The following SARNP variants were observed in gnomAD, a reference collection of about 807,000 sequenced individuals.
The protein encoded by SARNP is SAP domain containing ribonucleoprotein, also known as SAP domain-containing ribonucleoprotein.
A neutral mutation model predicts 38.1 loss-of-function variants in SARNP; 5 were observed. That is an observed-to-expected ratio of 0.13 (90% CI 0.07 to 0.28). The LOEUF (loss-of-function observed/expected upper bound fraction) is 0.28, where lower values mean the gene tolerates loss of function less well. SARNP is among the 10% of genes least tolerant of loss of function. The pLI, the probability that SARNP is intolerant of heterozygous loss-of-function variation, is 1.00. For synonymous variants in SARNP, 84 were observed against 80.6 expected, an observed-to-expected ratio of 1.04 and a Z score of -0.23; for missense variants, 180 against 243.9, an observed-to-expected ratio of 0.74 and a Z score of 1.75.
At position 55,759,720 on chromosome 12, in the gene SARNP, C is replaced by T. The variant is rs561023189; in HGVS notation, c.591+831G>A. Among the ~76,000 whole-genome samples, 188 of 152,058 alleles carry T rather than the reference C, an allele frequency of 1.2e-3. 2 individuals are homozygous for T. The highest frequency in any genetic ancestry group is 2.4e-3 in the Non-Finnish European group (163 of 67,954). ...CCTCCCAAAGTGCTAGGATTATAGG[C>T]GTAAGCCACCATGCCCGGCCGCCTT... On this transcript the variant is annotated intron_variant, in intron 10 of 10. Coordinates refer to ENST00000336133, the MANE Select transcript of SARNP (RefSeq NM_033082.4).
intron 9 of SARNP, among the ~76,000 whole-genome samples, chr12:55,774,549 C>T (rs1238282253): frequency 3.2e-5 from 4 of 124,162 alleles, no homozygotes; most frequent in Non-Finnish European, 4.7e-5. Flanking sequence ...GGTGAAACCC[C>T]GTCTCTACTG....
chr12:55,781,807 C>A (rs1311576931), intron 9 of SARNP, among the ~76,000 whole-genome samples: 1 of 152,174 alleles, frequency 6.6e-6, no homozygotes, highest in Admixed American at 6.6e-5. Flanking sequence ...CAGCCTTGAC[C>A]TCCTGGACTC....
intron 9 of SARNP, among the ~76,000 whole-genome samples, chr12:55,776,326 T>G (rs1879179788): frequency 6.6e-6 from 1 of 152,022 alleles, no homozygotes; most frequent in Non-Finnish European, 1.5e-5. Context: ...CCCAGCTACT[T>G]GTTGGGGATG....
chr12:55,798,051 TTC>T (rs1879870402), intron 4 of SARNP, among the ~76,000 whole-genome samples: 2 of 152,186 alleles, frequency 1.3e-5, no homozygotes, highest in African/African-American at 4.8e-5. Flanking sequence ...TCACTTGATC[TTC>T]TTTCTTGTTC....
At chr12:55,798,789 G>A (rs1879891860) in intron 4 of SARNP, among the ~76,000 whole-genome samples, 2 of 152,180 alleles carry the variant, frequency 1.3e-5, no homozygotes, top group Admixed American at 6.5e-5. Flanking sequence ...GTGATAGGTA[G>A]ATGAGAGTCT....
chr12:55,760,741 C>T (rs1878649891), intron 9 of SARNP, 101 bp from the exon 10 acceptor site: 1 of 767,116 alleles, frequency 1.3e-6, no homozygotes, highest in Non-Finnish European at 2.3e-6. Context: ...GCTAACCAAC[C>T]CTGTGCCAAG....
chr12:55,784,762 G>C (rs1429187402), intron 9 of SARNP, among the ~76,000 whole-genome samples: 1 of 152,192 alleles, frequency 6.6e-6, no homozygotes, highest in Non-Finnish European at 1.5e-5. Context: ...GACAGTGCTG[G>C]TGTAGACAGC....
At chr12:55,799,559 C>CTTTTTT (rs10529763) in intron 4 of SARNP, among the ~76,000 whole-genome samples, 105,086 of 112,184 alleles carry the variant, frequency 0.94, 49,476 homozygotes, top group Middle Eastern at 0.98. Context: ...GAGTGTCACA[C>CTTTTTT]TTTTTTTTTT....
rs763191592 is a variant in SARNP at position 55,757,461 on chromosome 12, A to G, written c.*51T>C. On this transcript the variant is annotated 3_prime_UTR_variant, in exon 11 of 11. Transcript: ENST00000336133. ...TTTAGGCATATATGTGACCAAGAAG[A>G]AGGAGAGAAATGGAAAACACTGGAG... 7.2e-6 allele frequency: 11 copies of G among 1,528,098 alleles called. No homozygotes were observed. Among genetic ancestry groups the G allele is most frequent in the Middle Eastern group, 1.7e-4 (1 of 5,826 alleles). The allele number at this position is 1,528,098 out of a possible 1,614,324, so 94.7% of individuals were successfully genotyped here. A position where few individuals can be genotyped will look rare whatever the true frequency, so the allele number is the denominator to read the frequency against.
chr12:55,790,446 T>C, intron 8 of SARNP, 121 bp downstream of exon 8: 1 of 1,128,470 alleles, frequency 8.9e-7, no homozygotes, highest in Non-Finnish European at 1.2e-6. Context: ...AACATTGTAC[T>C]GAAAAGAGTC....
intron 7 of SARNP, 37 bp from the exon 8 acceptor site, chr12:55,790,629 A>C: frequency 6.9e-7 from 1 of 1,455,276 alleles, no homozygotes; most frequent in African/African-American, 1.4e-5. Context: ...AATATTTTTA[A>C]AAGTCATCAA....
downstream of SARNP, chr12:55,752,665 G>A (rs183938060): frequency 1.3e-5 from 2 of 152,344 alleles, no homozygotes; most frequent in East Asian, 3.9e-4. Flanking sequence ...GTATGGAGCT[G>A]ACAGGGGCAT....
At chr12:55,817,516 T>G in intron 1 of SARNP, 150 bp downstream of exon 1, 1 of 662,042 alleles carries the variant, frequency 1.5e-6, no homozygotes, top group Non-Finnish European at 2.6e-6. Context: ...GAAGGCGTAG[T>G]GTGGAAGGGT....
chr12:55,779,661 T>C (rs1302472063), intron 9 of SARNP, among the ~76,000 whole-genome samples: 2 of 152,152 alleles, frequency 1.3e-5, no homozygotes, highest in Non-Finnish European at 2.9e-5. Flanking sequence ...AACTAAGAAA[T>C]CCTAATTACA....
intron 9 of SARNP, among the ~76,000 whole-genome samples, chr12:55,781,325 G>A (rs1440716703): frequency 6.6e-6 from 1 of 151,850 alleles, no homozygotes; most frequent in East Asian, 1.9e-4. Context: ...CACAAAGTCA[G>A]GAGTTCGAGA....
intron 3 of SARNP, 42 bp downstream of exon 3, chr12:55,800,812 G>T: frequency 6.5e-7 from 1 of 1,539,730 alleles, no homozygotes. Context: ...GGCCAAAGCA[G>T]TGGCACATTA....
intron 9 of SARNP, chr12:55,762,487 G>C (rs1878707292): frequency 6.6e-6 from 1 of 151,980 alleles, no homozygotes; most frequent in Non-Finnish European, 1.5e-5. Flanking sequence ...GGTCAGGCTG[G>C]TCTCGAACTC....
At chr12:55,781,511 G>A (rs1395938005) in intron 9 of SARNP, among the ~76,000 whole-genome samples, 3 of 144,650 alleles carry the variant, frequency 2.1e-5, no homozygotes, top group Admixed American at 7.0e-5. Flanking sequence ...TTCAGCCTGG[G>A]CAAAAGAGCG....
intron 7 of SARNP, among the ~76,000 whole-genome samples, chr12:55,791,072 GA>G (rs1197013116): frequency 6.6e-6 from 1 of 152,190 alleles, no homozygotes; most frequent in Non-Finnish European, 1.5e-5. Context: ...TATGCTAAGT[GA>G]AAGAATCCAG....
Sources: allele counts gnomAD v4.1 joint callset (sites outside exome capture counted in the v4.1 genomes callset), GRCh38; gene constraint gnomAD v4.1.1; transcripts MANE v1.5; gene names NCBI Gene and HGNC (gene_info 2026-07-23, HGNC 2026-07-21).